The following LPP variants were observed in gnomAD, a reference collection of about 807,000 sequenced individuals.
The protein encoded by LPP is LIM domain containing preferred translocation partner in lipoma, also known as lipoma-preferred partner.
LPP carries 38 observed loss-of-function variants against 60.4 expected under a neutral mutation model. The ratio of observed to expected loss-of-function variants is 0.63; its 90% confidence interval spans 0.49 to 0.83. The LOEUF is 0.83. Ranked by LOEUF, LPP falls within the 40% of genes least tolerant of loss-of-function variation. The pLI, the probability that LPP is intolerant of heterozygous loss-of-function variation, is 0.00. For missense variants in LPP, 902 were observed against 783.6 expected (o/e 1.15, Z -1.80); for synonymous variants, 328 against 290.8 (o/e 1.13, Z -1.30).
At chr3:188,791,308 A>G (rs1324031408) in intron 9 of LPP, among the ~76,000 whole-genome samples, 4 of 152,150 alleles carry the variant, frequency 2.6e-5, no homozygotes, top group Admixed American at 2.6e-4. Flanking sequence ...GGAAAAGTGA[A>G]TGGTCTTTGT....
intron 2 of LPP, among the ~76,000 whole-genome samples, chr3:188,341,363 T>G (rs772218840): frequency 6.6e-6 from 1 of 152,236 alleles, no homozygotes; most frequent in Non-Finnish European, 1.5e-5. Context: ...TTTCTACTTC[T>G]GTAAAATGTG....
intron 2 of LPP, among the ~76,000 whole-genome samples, chr3:188,340,183 C>T (rs1480850222): frequency 6.6e-6 from 1 of 152,102 alleles, no homozygotes; most frequent in Non-Finnish European, 1.5e-5. Context: ...TTTATCTGCT[C>T]CATGTTAACC....
chr3:188,297,516 T>G (rs1748327175), intron 2 of LPP, among the ~76,000 whole-genome samples: 1 of 152,200 alleles, frequency 6.6e-6, no homozygotes, highest in East Asian at 1.9e-4. Context: ...ATGGTACAAA[T>G]GAGAGACTAT....
chr3:188,765,355 ACAT>A (rs1465645409), intron 9 of LPP, among the ~76,000 whole-genome samples: 2 of 150,258 alleles, frequency 1.3e-5, no homozygotes, highest in African/African-American at 2.5e-5. Flanking sequence ...TCTTGCTGTT[ACAT>A]CATCATTTCA....
At chr3:188,288,554 C>A (rs1744772785) in intron 2 of LPP, among the ~76,000 whole-genome samples, 1 of 150,984 alleles carries the variant, frequency 6.6e-6, no homozygotes, top group African/African-American at 2.4e-5. Context: ...CCTGGTGGAG[C>A]CTTGGCCTTT....
Position 188,591,540 on chromosome 3 carries a change from G to A in LPP, c.430-17621G>A, listed in dbSNP as rs78032481. Among the ~76,000 whole-genome samples the A allele has an allele frequency of 4.3e-3, 650 of 152,324 alleles. 3 individuals carry two copies. The highest frequency in any genetic ancestry group is 0.014 in the African/African-American group (598 of 41,570). The stretch of plus-strand genomic sequence containing the variant: ...CATTTCTGACAGTATTTGTTCTGTA[G>A]TTAATGCTCTGGGAGCCTTTTTCCT... On this transcript the variant is annotated intron_variant, in intron 6 of 11. Transcript: ENST00000617246.
At position 188,882,055 on chromosome 3, in the gene LPP, C is replaced by T. The variant is rs1770093754; in HGVS notation, c.*7576C>T. 4.8e-6 allele frequency: 1 copy of T among 209,284 alleles called. No individual in the cohort carries two copies. 13.0% of individuals were successfully genotyped at this position (209,284 alleles called of 1,614,324 possible). A position where few individuals can be genotyped will look rare whatever the true frequency, so the allele number is the denominator to read the frequency against. On this transcript the variant is annotated 3_prime_UTR_variant, in exon 12 of 12. Coordinates refer to ENST00000617246, the MANE Select transcript of LPP (RefSeq NM_001375462.1). ...CTTCAATTTATAATTACCAAATAAT[C>T]ACTGTTAGAGAATCAGCCCCTAAGT...
chr3:188,636,704 G>C (rs916459703), intron 7 of LPP, among the ~76,000 whole-genome samples: 3 of 152,002 alleles, frequency 2.0e-5, no homozygotes, highest in African/African-American at 4.8e-5. Context: ...CACGCAGCTG[G>C]AGATCTGAGA....
intron 3 of LPP, among the ~76,000 whole-genome samples, chr3:188,404,824 C>T (rs1234219552): frequency 6.6e-6 from 1 of 152,162 alleles, no homozygotes; most frequent in Non-Finnish European, 1.5e-5. Context: ...GCTGGGGGCG[C>T]TTACAGGGTG....
chr3:188,396,853 A>C (rs1465937708), intron 3 of LPP, among the ~76,000 whole-genome samples: 1 of 152,198 alleles, frequency 6.6e-6, no homozygotes, highest in African/African-American at 2.4e-5. Flanking sequence ...CACTCCACAG[A>C]CTAGCCATAA....
At chr3:188,240,236 A>T (rs559845775) in intron 2 of LPP, 5 of 175,310 alleles carry the variant, frequency 2.9e-5, no homozygotes, top group African/African-American at 7.1e-5. Flanking sequence ...TCCTTTTGGT[A>T]TCAAATTTTA....
intron 9 of LPP, among the ~76,000 whole-genome samples, chr3:188,845,507 A>G (rs971065702): frequency 2.0e-5 from 3 of 152,238 alleles, no homozygotes; most frequent in Non-Finnish European, 2.9e-5. Flanking sequence ...CTAGAATTTT[A>G]GAAAGGGTCT....
intron 7 of LPP, among the ~76,000 whole-genome samples, chr3:188,659,551 T>G (rs1854098148): frequency 1.3e-5 from 2 of 152,182 alleles, no homozygotes; most frequent in Non-Finnish European, 2.9e-5. Context: ...CCAAGTTAGA[T>G]TTATAAAAAA....
chr3:188,356,636 T>G (rs776921664), intron 3 of LPP, among the ~76,000 whole-genome samples: 16 of 152,226 alleles, frequency 1.1e-4, no homozygotes, highest in Non-Finnish European at 2.2e-4. Context: ...CCACAAGGAT[T>G]CAGTGGGCAA....
At chr3:188,155,751 C>A (rs1471774236) in intron 1 of LPP, among the ~76,000 whole-genome samples, 1 of 152,116 alleles carries the variant, frequency 6.6e-6, no homozygotes, top group Admixed American at 6.5e-5. Context: ...CGGTGGCTCA[C>A]GCCTGTAATC....
In LPP at chr3:188,742,141, T is replaced by C. The variant is rs546980331; in HGVS notation, c.1241-17972T>C. On this transcript the variant is annotated intron_variant, in intron 8 of 11. Coordinates refer to ENST00000617246, the MANE Select transcript of LPP (RefSeq NM_001375462.1). ...TGATGAGAGTGGCTAAGACTAACAA[T>C]ACCAAGCATTAGCTAAAAGACAGAG... 2.6e-5 allele frequency among the ~76,000 whole-genome samples: 4 copies of C among 152,086 alleles called. No individual in the cohort carries two copies. The South Asian group carries it at 6.2e-4, about 24-fold the overall frequency.
intron 7 of LPP, among the ~76,000 whole-genome samples, chr3:188,635,671 C>G (rs1377275009): frequency 1.3e-5 from 2 of 152,144 alleles, no homozygotes; most frequent in South Asian, 4.1e-4. Context: ...GTTTTGGAAT[C>G]TGATATAGTG....
intron 1 of LPP, among the ~76,000 whole-genome samples, chr3:188,221,201 C>G (rs1202420223): frequency 3.3e-5 from 5 of 152,168 alleles, no homozygotes. Context: ...AAGGCCTTTG[C>G]ACATTGTGTT....
chr3:188,456,054 G>A (rs1797666208), intron 4 of LPP, among the ~76,000 whole-genome samples: 1 of 152,106 alleles, frequency 6.6e-6, no homozygotes, highest in African/African-American at 2.4e-5. Context: ...CACCACACCT[G>A]GCTAATTTTC....
Sources: gnomAD v4.1 joint callset for allele counts (sites outside exome capture counted in the v4.1 genomes callset) on GRCh38, gnomAD v4.1.1 for gene constraint, MANE v1.5 for transcripts, NCBI Gene and HGNC (gene_info 2026-07-23, HGNC 2026-07-21) for gene names.